Variants in SVEP1 observed in about 807,000 individuals in gnomAD.
SVEP1 encodes the protein sushi, von Willebrand factor type A, EGF and pentraxin domain containing 1, also known as sushi, von Willebrand factor type A, EGF and pentraxin domain-containing protein 1.
SVEP1 carries 164 observed loss-of-function variants against 367.3 expected under a neutral mutation model. The ratio of observed to expected loss-of-function variants is 0.45; its 90% CI spans 0.39 to 0.51. The LOEUF is 0.51. Ranked by LOEUF, SVEP1 falls within the 20% of genes least tolerant of loss-of-function variation. The pLI is 0.00. For synonymous variants in SVEP1, 1,666 were observed against 1,611.6 expected (o/e 1.03, Z -0.81); for missense variants, 4,117 against 4,425.3 (o/e 0.93, Z 1.98).
At chr9:110,370,434 C>T (rs1383264178) in intron 46 of SVEP1, among the ~76,000 whole-genome samples, 2 of 152,050 alleles carry the variant, frequency 1.3e-5, no homozygotes, top group Non-Finnish European at 2.9e-5. Flanking sequence ...GTAAATTCCT[C>T]GAGGGAGTTA....
Position 110,432,606 on chromosome 9 carries a change from C to T in SVEP1, c.5089G>A (p.Glu1697Lys), listed in dbSNP as rs757675972. ...TCATCGGCTGAATGGAAGCCATTCTCCAAAGGAGGTGGCACCCCACAGCTA... is the reference window on the plus strand; with the variant it reads ...TCATCGGCTGAATGGAAGCCATTCTTCAAAGGAGGTGGCACCCCACAGCTA... ...RISCGVPPPL[E>K]NGFHSADDFY... The change falls in exon 31 of 48, where the codon GAG becomes AAG. Residue 1697 changes from glutamate to lysine, a missense_variant. By Grantham distance (56) the Glu-to-Lys change is moderately conservative (BLOSUM62 1). Transcript: ENST00000374469. 6.2e-7 allele frequency: 1 copy of T among 1,613,280 alleles called. No homozygotes were observed. Among genetic ancestry groups the T allele is most frequent in the South Asian group, 1.1e-5 (1 of 90,900 alleles).
chr9:110,403,853 C>CTT (rs11439177), intron 39 of SVEP1, among the ~76,000 whole-genome samples: 14,277 of 144,182 alleles, frequency 0.099, 865 homozygotes, highest in Non-Finnish European at 0.13. Context: ...TAATAATACA[C>CTT]TTTTTTTTTT....
chr9:110,372,374 CCT>C (rs999385470), intron 46 of SVEP1, among the ~76,000 whole-genome samples: 27 of 152,206 alleles, frequency 1.8e-4, no homozygotes, highest in African/African-American at 6.3e-4. Context: ...GGCAGGAGCC[CCT>C]GTTTTATATG....
chr9:110,392,139 A>ATATATATATC (rs1441837262), intron 40 of SVEP1, among the ~76,000 whole-genome samples: 1 of 146,918 alleles, frequency 6.8e-6, no homozygotes, highest in African/African-American at 2.6e-5. Context: ...CTCATTATAT[A>ATATATATATC]TATATATATA....
At chr9:110,438,009 G>C (rs1828456492) in intron 27 of SVEP1, among the ~76,000 whole-genome samples, 1 of 151,826 alleles carries the variant, frequency 6.6e-6, no homozygotes, top group Non-Finnish European at 1.5e-5. Flanking sequence ...ATAGTTTTTT[G>C]TATTTCTTTC....
chr9:110,435,138 A>C, intron 29 of SVEP1, 103 bp downstream of exon 29: 3 of 1,301,132 alleles, frequency 2.3e-6, no homozygotes, highest in East Asian at 2.6e-5. Flanking sequence ...ATTGACAGTC[A>C]CATACGATTG....
At chr9:110,429,360 G>T in intron 34 of SVEP1, 26 bp from the exon 35 acceptor site, 1 of 1,456,476 alleles carries the variant, frequency 6.9e-7, no homozygotes, top group South Asian at 1.5e-5. Context: ...GAAAATTACA[G>T]GATATAATTT....
chr9:110,472,065 CTAA>C, intron 15 of SVEP1, 91 bp downstream of exon 15: 2 of 1,270,908 alleles, frequency 1.6e-6, no homozygotes, highest in Non-Finnish European at 2.2e-6. Context: ...GAGTCATTTC[CTAA>C]TAATGATAAC....
chr9:110,460,361 T>C (rs1224835691), intron 18 of SVEP1, among the ~76,000 whole-genome samples: 3 of 152,104 alleles, frequency 2.0e-5, no homozygotes, highest in Non-Finnish European at 4.4e-5. Context: ...GTTATCACAG[T>C]AGAGTAAAAA....
In SVEP1 at chr9:110,489,722, C is replaced by G. The variant is rs1308147106; in HGVS notation, c.1858G>C (p.Val620Leu). ...TPPYLFPIGD[V>L]AIVYTATDLS... ...TCAGTTGCCGTGTATACGATAGCAA[C>G]ATCTCCAATTGGGAAAAGGTAAGGT... The change falls in exon 9 of 48, where the codon GTT (valine) becomes CTT (leucine). Residue 620 changes from valine (V) to leucine (L), a missense_variant. By Grantham distance (32) the Val-to-Leu change is conservative. Around this residue, in one of 4 missense-constraint regions of SVEP1, gnomAD observed 2,174 missense variants for 2,494.3 expected, o/e 0.87. Transcript: ENST00000374469. 6.2e-7 allele frequency: 1 copy of G among 1,613,564 alleles called. No homozygotes were observed. The highest frequency in any genetic ancestry group is 8.5e-7 in the Non-Finnish European group (1 of 1,179,598).
intron 1 of SVEP1, among the ~76,000 whole-genome samples, chr9:110,565,701 A>G (rs1830483685): frequency 1.3e-5 from 2 of 151,976 alleles, no homozygotes; most frequent in South Asian, 4.2e-4. Context: ...ATCTCCAAAC[A>G]TCCCCTTCTC....
chr9:110,433,651 T>G (rs1203255785), intron 30 of SVEP1, among the ~76,000 whole-genome samples: 1 of 151,682 alleles, frequency 6.6e-6, no homozygotes, highest in African/African-American at 2.4e-5. Flanking sequence ...TTTGTATTTT[T>G]TGTGGAGATA....
chr9:110,459,523 T>C (rs1343232244), intron 18 of SVEP1, among the ~76,000 whole-genome samples: 2 of 152,202 alleles, frequency 1.3e-5, no homozygotes, highest in Non-Finnish European at 2.9e-5. Context: ...CTATTATAAA[T>C]AATGCTGAAG....
intron 40 of SVEP1, 29 bp from the exon 41 acceptor site, chr9:110,389,616 G>A: frequency 6.2e-7 from 1 of 1,611,102 alleles, no homozygotes; most frequent in African/African-American, 1.3e-5. Flanking sequence ...AGGTCATCAA[G>A]ATCATAACTC....
intron 36 of SVEP1, among the ~76,000 whole-genome samples, chr9:110,412,994 G>A (rs1209301262): frequency 1.3e-5 from 2 of 151,200 alleles, no homozygotes; most frequent in Non-Finnish European, 1.5e-5. Context: ...AATTCCTCAG[G>A]GATCTAGAAC....
At chr9:110,480,495 A>G (rs1463874081) in intron 12 of SVEP1, among the ~76,000 whole-genome samples, 1 of 152,226 alleles carries the variant, frequency 6.6e-6, no homozygotes, top group East Asian at 1.9e-4. Context: ...GGTTATTTTT[A>G]TAACAATGTA....
intron 36 of SVEP1, among the ~76,000 whole-genome samples, chr9:110,413,333 T>C (rs1476247002): frequency 1.4e-5 from 2 of 145,994 alleles, no homozygotes; most frequent in African/African-American, 5.1e-5. Flanking sequence ...TAGGTGGGAA[T>C]TGAACAATGA....
chr9:110,399,762 G>A (rs1588034212), intron 40 of SVEP1, among the ~76,000 whole-genome samples: 1 of 152,216 alleles, frequency 6.6e-6, no homozygotes. Context: ...TTGAACTCCT[G>A]AGCTCAAGTG....
At chr9:110,438,626 T>C (rs1265708131) in intron 27 of SVEP1, among the ~76,000 whole-genome samples, 1 of 152,242 alleles carries the variant, frequency 6.6e-6, no homozygotes, top group African/African-American at 2.4e-5. Context: ...GACACTGAGA[T>C]AAACCTGTTT....
Sources: allele counts gnomAD v4.1 joint callset (sites outside exome capture counted in the v4.1 genomes callset), GRCh38; gene constraint gnomAD v4.1.1; regional missense constraint gnomAD v4.1.1; transcripts MANE v1.5; gene names NCBI Gene and HGNC (gene_info 2026-07-23, HGNC 2026-07-21).